The following TATDN1 variants were observed in gnomAD, a reference collection of about 807,000 sequenced individuals.
TATDN1 encodes the protein deoxyribonuclease TATDN1.
TATDN1 carries 40 observed loss-of-function variants against 46.4 expected under a neutral mutation model. The ratio of observed to expected loss-of-function variants is 0.86; its 90% confidence interval spans 0.67 to 1.12. TATDN1 has a LOEUF of 1.12. TATDN1 is among the 50% of genes most tolerant of loss of function. The probability of loss-of-function intolerance (pLI) is 0.00; values close to 1 mark genes in which losing one functional copy is unlikely to be tolerated. For synonymous variants in TATDN1, 95 were observed against 105.6 expected (o/e 0.90, Z 0.62); for missense variants, 326 against 348.4 (o/e 0.94, Z 0.51).
At chr8:124,513,072 G>A (rs764318202) in intron 6 of TATDN1, among the ~76,000 whole-genome samples, 2 of 151,946 alleles carry the variant, frequency 1.3e-5, no homozygotes, top group East Asian at 1.9e-4. Flanking sequence ...TCGCCACCAC[G>A]CCTGGCTAGT....
chr8:124,503,937 T>C (rs370863573), intron 9 of TATDN1: 9 of 1,305,280 alleles, frequency 6.9e-6, no homozygotes, highest in East Asian at 5.2e-5. Flanking sequence ...ATGACGTGTA[T>C]ATGTATACAT....
At chr8:124,520,768 C>T (rs534783141) in intron 3 of TATDN1, among the ~76,000 whole-genome samples, 9 of 151,822 alleles carry the variant, frequency 5.9e-5, no homozygotes, top group Admixed American at 2.0e-4. Flanking sequence ...TGGTGAAACC[C>T]CGTCTCTACT....
chr8:124,510,006 G>A (rs1457309541), intron 6 of TATDN1, among the ~76,000 whole-genome samples: 1 of 149,324 alleles, frequency 6.7e-6, no homozygotes. Flanking sequence ...ACTCCAGCCT[G>A]GGTGAGAGAG....
At chr8:124,497,084 G>C (rs1817530343) in intron 9 of TATDN1, among the ~76,000 whole-genome samples, 1 of 152,118 alleles carries the variant, frequency 6.6e-6, no homozygotes, top group African/African-American at 2.4e-5. Flanking sequence ...GGACACAAAT[G>C]AGAGGCCCAC....
chr8:124,505,035 G>T (rs549319131), intron 8 of TATDN1, among the ~76,000 whole-genome samples: 1 of 151,080 alleles, frequency 6.6e-6, no homozygotes, highest in African/African-American at 2.4e-5. Context: ...GATTACAGAG[G>T]TGAGCCACCG....
At chr8:124,512,093 C>T (rs1297078690) in intron 6 of TATDN1, among the ~76,000 whole-genome samples, 1 of 152,100 alleles carries the variant, frequency 6.6e-6, no homozygotes, top group Non-Finnish European at 1.5e-5. Flanking sequence ...TTTCTTTTCT[C>T]ATACATCTCC....
In TATDN1 at chr8:124,535,919, T is replaced by A. The variant is rs775368630; in HGVS notation, c.22+3106A>T. The stretch of plus-strand genomic sequence containing the variant: ...GCCTTTCATGAGGGATCCACCCCCA[T>A]GAGATGGATGTTGGGAAGTGACCCA... On this transcript the variant is annotated intron_variant, in intron 1 of 11. Transcript: ENST00000276692. Among the ~76,000 whole-genome samples, 59 of 152,198 alleles carry A rather than the reference T, an allele frequency of 3.9e-4. 1 individual carries two copies. Among genetic ancestry groups the A allele is most frequent in the Admixed American group, 3.8e-3 (58 of 15,286 alleles).
chr8:124,488,960 C>A, intron 11 of TATDN1: 1 of 383,428 alleles, frequency 2.6e-6, no homozygotes. Flanking sequence ...TTATGTTCAC[C>A]AATTATAGCA....
chr8:124,539,053 G>T lies in TATDN1; in HGVS notation c.-7C>A, dbSNP rs559816436. The T allele has an allele frequency of 5.0e-6, 8 of 1,613,188 alleles. No individual in the cohort carries two copies. Among genetic ancestry groups the T allele is most frequent in the South Asian group, 2.2e-5 (2 of 91,076 alleles). On this transcript the variant is annotated 5_prime_UTR_variant, in exon 1 of 12. Transcript: ENST00000276692. ...TAAACTTGAAGCGACTCATGACTGC[G>T]CATGGAGGACCTCCCCAGCGGAAGC...
chr8:124,527,298 A>G (rs796965400), intron 1 of TATDN1, among the ~76,000 whole-genome samples: 8 of 152,298 alleles, frequency 5.3e-5, no homozygotes, highest in African/African-American at 1.9e-4. Flanking sequence ...CAGTAAAATT[A>G]AGCTTTATAT....
chr8:124,529,224 TCTC>T (rs1353473600), intron 1 of TATDN1, among the ~76,000 whole-genome samples: 1 of 152,106 alleles, frequency 6.6e-6, no homozygotes, highest in African/African-American at 2.4e-5. Flanking sequence ...AATAAAAGAT[TCTC>T]CTGTTTCAAC....
At chr8:124,530,022 C>T (rs1026377069) in intron 1 of TATDN1, among the ~76,000 whole-genome samples, 6 of 151,820 alleles carry the variant, frequency 4.0e-5, no homozygotes, top group African/African-American at 7.3e-5. Context: ...ACCCGGGAGG[C>T]GGAGGTTATA....
At chr8:124,496,076 T>C (rs1362096669) in intron 9 of TATDN1, among the ~76,000 whole-genome samples, 2 of 152,248 alleles carry the variant, frequency 1.3e-5, no homozygotes, top group Admixed American at 6.5e-5. Flanking sequence ...CAAAGATCCA[T>C]GAATGCAAAC....
intron 9 of TATDN1, among the ~76,000 whole-genome samples, chr8:124,497,433 C>T (rs578026359): frequency 6.6e-6 from 1 of 152,028 alleles, no homozygotes; most frequent in East Asian, 1.9e-4. Flanking sequence ...CTACAGGTGC[C>T]TGCCACCACG....
intron 9 of TATDN1, among the ~76,000 whole-genome samples, chr8:124,500,044 C>T (rs1817823607): frequency 6.6e-6 from 1 of 150,926 alleles, no homozygotes. Flanking sequence ...GGGGTTTCAC[C>T]ATATTGGCCA....
At chr8:124,521,271 T>C (rs1820022012) in intron 3 of TATDN1, among the ~76,000 whole-genome samples, 1 of 152,178 alleles carries the variant, frequency 6.6e-6, no homozygotes, top group Non-Finnish European at 1.5e-5. Context: ...AAATTTCAGT[T>C]TGGAACCATG....
chr8:124,504,299 A>G lies in TATDN1; in HGVS notation c.565T>C (p.Leu189=), dbSNP rs1250877265. 6.2e-7 allele frequency: 1 copy of G among 1,608,976 alleles called. No homozygotes were observed. The highest frequency in any genetic ancestry group is 8.5e-7 in the Non-Finnish European group (1 of 1,177,914). The change falls in exon 9 of 12, where the codon TTG becomes CTG. Residue 189 remains leucine, a synonymous_variant. Coordinates refer to ENST00000276692, the MANE Select transcript of TATDN1 (RefSeq NM_032026.4). ...TKEAAAALID[L]DLYIGFNGCS... ...CCATTAAATCCTATATAAAGATCCA[A>G]GTCAATCAAAGCAGCTGCTGCTTCC... is the stretch of plus-strand genomic sequence containing the variant.
chr8:124,518,785 A>AC (rs1819766488), intron 4 of TATDN1, 33 bp downstream of exon 4: 1 of 1,199,424 alleles, frequency 8.3e-7, no homozygotes, highest in African/African-American at 1.5e-5. Flanking sequence ...TACTTAATTC[A>AC]TTTTTTTTTT....
rs184909680 is a variant in TATDN1 at position 124,500,639 on chromosome 8, C to T, written c.593+3632G>A. 2.8e-3 allele frequency among the ~76,000 whole-genome samples: 413 copies of T among 149,662 alleles called. 1 individual carries two copies. The highest frequency in any genetic ancestry group is 3.9e-3 in the Non-Finnish European group (264 of 67,692). ...GCCTGAGCCCAGGAGGTCGGGGCTA[C>T]AGTAAGTCGTCCAGCCTGAGAGGCA... On this transcript the variant is annotated intron_variant, in intron 9 of 11. Transcript: ENST00000276692.
Sources: allele counts gnomAD v4.1 joint callset (sites outside exome capture counted in the v4.1 genomes callset), GRCh38; gene constraint gnomAD v4.1.1; transcripts MANE v1.5; gene names NCBI Gene and HGNC (gene_info 2026-07-23, HGNC 2026-07-21).